The following MID1 variants were observed in gnomAD, a reference collection of about 807,000 sequenced individuals.
MID1 encodes midline 1.
In MID1, 7 loss-of-function variants were observed where a neutral mutation model predicts 40.4. That is an observed-to-expected ratio of 0.17 (90% CI 0.10 to 0.33). The LOEUF (loss-of-function observed/expected upper bound fraction) is 0.33, where lower values mean the gene tolerates loss of function less well. MID1 is among the 10% of genes least tolerant of loss of function. MID1 has a pLI of 1.00. For synonymous variants in MID1, 229 were observed against 221.2 expected, an observed-to-expected ratio of 1.04 and a Z score of -0.31; for missense variants, 367 against 558.5, an observed-to-expected ratio of 0.66 and a Z score of 3.46.
At chrX:10,829,620 A>G (rs1424794326) in intron 1 of MID1, among the ~76,000 whole-genome samples, 1 of 112,185 alleles carries the variant, frequency 8.9e-6, no homozygotes, top group Non-Finnish European at 1.9e-5. Context: ...ATGTGATTGC[A>G]AGCAATTAAT....
chrX:10,543,483 T>C (rs984661372), intron 2 of MID1, among the ~76,000 whole-genome samples: 4 of 111,543 alleles, frequency 3.6e-5, no homozygotes, highest in Non-Finnish European at 5.6e-5. Context: ...TTCTGCATAT[T>C]CTATCTCTAG....
At chrX:10,790,319 T>A (rs1249940441) in intron 1 of MID1, among the ~76,000 whole-genome samples, 1 of 109,728 alleles carries the variant, frequency 9.1e-6, no homozygotes, top group Admixed American at 9.8e-5. Flanking sequence ...TTTTTTTATT[T>A]TTAATTTTTT....
At chrX:10,640,042 T>C (rs1936170713) in intron 1 of MID1, among the ~76,000 whole-genome samples, 1 of 111,691 alleles carries the variant, frequency 9.0e-6, no homozygotes. Context: ...GAACAACAGG[T>C]ACCAGCCACA....
At chrX:10,704,749 C>T in intron 1 of MID1, among the ~76,000 whole-genome samples, 1 of 97,229 alleles carries the variant, frequency 1.0e-5, no homozygotes, top group East Asian at 3.1e-4. Context: ...TACACACACA[C>T]ACACACACAC....
chrX:10,798,400 C>G (rs2043981591), intron 1 of MID1, among the ~76,000 whole-genome samples: 1 of 111,707 alleles, frequency 9.0e-6, no homozygotes, highest in Non-Finnish European at 1.9e-5. Context: ...ATTGATGCTC[C>G]CCTCCTCTCT....
intron 1 of MID1, among the ~76,000 whole-genome samples, chrX:10,574,530 T>A (rs1482302578): frequency 8.9e-6 from 1 of 112,020 alleles, no homozygotes; most frequent in Non-Finnish European, 1.9e-5. Context: ...AGATCGCCCA[T>A]CATCAGCACA....
chrX:10,716,388 G>A (rs1467699365), intron 1 of MID1, among the ~76,000 whole-genome samples: 5 of 112,204 alleles, frequency 4.5e-5, no homozygotes, highest in African/African-American at 9.7e-5. Flanking sequence ...TGAGATCTAC[G>A]TGATGAATGC....
intron 1 of MID1, among the ~76,000 whole-genome samples, chrX:10,786,957 C>T (rs1389358676): frequency 3.7e-5 from 4 of 109,440 alleles, no homozygotes; most frequent in Non-Finnish European, 5.7e-5. Context: ...GCACATGTAC[C>T]CTAAAACTTA....
intron 1 of MID1, among the ~76,000 whole-genome samples, chrX:10,685,740 G>T (rs1441189201): frequency 9.0e-6 from 1 of 110,990 alleles, no homozygotes; most frequent in Non-Finnish European, 1.9e-5. Context: ...GTATCTTTGG[G>T]CCTTCCTTCT....
intron 1 of MID1, among the ~76,000 whole-genome samples, chrX:10,785,660 C>G (rs1248605445): frequency 9.0e-6 from 1 of 110,780 alleles, no homozygotes; most frequent in African/African-American, 3.3e-5. Context: ...AGAAATAATG[C>G]CGCATATCTA....
intron 1 of MID1, among the ~76,000 whole-genome samples, chrX:10,732,863 CTTTTTTTTT>C (rs34772528): frequency 1.8e-5 from 1 of 55,591 alleles, no homozygotes; most frequent in Non-Finnish European, 3.6e-5. Flanking sequence ...TCTTCTTCTT[CTTTTTTTTT>C]TTTTTTTTTT....
At chrX:10,777,080 A>G (rs2147130073) in intron 1 of MID1, among the ~76,000 whole-genome samples, 1 of 112,889 alleles carries the variant, frequency 8.9e-6, no homozygotes, top group East Asian at 2.8e-4. Flanking sequence ...AAAGAAATGT[A>G]CACACAAGGA....
chrX:10,737,571 G>A (rs979410601), intron 1 of MID1, among the ~76,000 whole-genome samples: 11 of 108,143 alleles, frequency 1.0e-4, no homozygotes, highest in African/African-American at 3.7e-4. Flanking sequence ...ATGCAAAATG[G>A]GAATGCATGA....
chrX:10,724,726 A>G (rs772484488), intron 1 of MID1, among the ~76,000 whole-genome samples: 1 of 112,411 alleles, frequency 8.9e-6, no homozygotes, highest in South Asian at 3.7e-4. Context: ...CCTTTTTGCC[A>G]TCTGGCCCAC....
chrX:10,578,181 C>A (rs978651195), intron 1 of MID1, among the ~76,000 whole-genome samples: 2 of 112,684 alleles, frequency 1.8e-5, no homozygotes, highest in African/African-American at 6.4e-5. Context: ...CAAATTATAA[C>A]TTCATTTGTC....
intron 1 of MID1, among the ~76,000 whole-genome samples, chrX:10,743,744 A>G (rs1231723639): frequency 1.8e-5 from 2 of 112,366 alleles, no homozygotes; most frequent in Middle Eastern, 4.6e-3. Flanking sequence ...GCTACAACGC[A>G]GTAGAGATGT....
intron 4 of MID1, among the ~76,000 whole-genome samples, chrX:10,492,117 C>CT (rs960491104): frequency 9.0e-5 from 10 of 111,096 alleles, no homozygotes; most frequent in African/African-American, 2.9e-4. Flanking sequence ...TGTGGCTTCA[C>CT]TTTTTTTGCT....
intron 2 of MID1, among the ~76,000 whole-genome samples, chrX:10,551,390 G>A (rs1156673630): frequency 1.8e-5 from 2 of 112,114 alleles, no homozygotes; most frequent in African/African-American, 6.5e-5. Flanking sequence ...AAATTCAAAT[G>A]GTCTCTTTAT....
rs769188953 is a variant in MID1 at position 10,572,551 on chromosome X, AAAAC to A, written c.-56-4952_-56-4949del. ...GGGCAACAGAGCAAGACTCTGTCTC[AAAAC>A]AAACAAACAACAACAACAAAAACCC... On this transcript the variant is annotated intron_variant, in intron 1 of 9. Coordinates refer to ENST00000317552, the MANE Select transcript of MID1 (RefSeq NM_000381.4). Among the ~76,000 whole-genome samples, 5 of 110,749 alleles carry A rather than the reference AAAAC, an allele frequency of 4.5e-5. No homozygotes were observed. The South Asian group carries it at 1.2e-3, about 26-fold the overall frequency.
Sources: gnomAD v4.1 joint callset for allele counts (sites outside exome capture counted in the v4.1 genomes callset) on GRCh38, gnomAD v4.1.1 for gene constraint, MANE v1.5 for transcripts, NCBI Gene and HGNC (gene_info 2026-07-23, HGNC 2026-07-21) for gene names.